The following SLCO1A2 variants were observed in gnomAD, a reference collection of about 807,000 sequenced individuals.
The protein encoded by SLCO1A2 is solute carrier organic anion transporter family member 1A2.
A neutral mutation model predicts 69.0 loss-of-function variants in SLCO1A2; 67 were observed. The observed-to-expected ratio is 0.97, with a 90% CI of 0.80 to 1.19. The LOEUF is 1.19. Among genes scored for constraint, SLCO1A2 ranks in the 50% most tolerant of loss-of-function variants. The pLI, the probability that SLCO1A2 is intolerant of heterozygous loss-of-function variation, is 0.00. For synonymous variants in SLCO1A2, 260 were observed against 265.9 expected (o/e 0.98, Z 0.22); for missense variants, 787 against 793.7 (o/e 0.99, Z 0.10).
intron 14 of SLCO1A2, chr12:21,273,826 T>TAAAC (rs1256661513): frequency 1.3e-5 from 2 of 152,210 alleles, no homozygotes; most frequent in Non-Finnish European, 2.9e-5. Flanking sequence ...TAGAATGCTT[T>TAAAC]AAACAATGGT....
chr12:21,345,969 AAT>A (rs1953239963), intron 2 of SLCO1A2, among the ~76,000 whole-genome samples: 1 of 152,022 alleles, frequency 6.6e-6, no homozygotes, highest in Admixed American at 6.6e-5. Flanking sequence ...GTCGAGTATA[AAT>A]ATGTTAATAA....
chr12:21,328,794 G>A (rs991347083), intron 2 of SLCO1A2, among the ~76,000 whole-genome samples: 1 of 152,168 alleles, frequency 6.6e-6, no homozygotes, highest in African/African-American at 2.4e-5. Flanking sequence ...AATTACTTCA[G>A]AGGCCAGTGC....
At chr12:21,337,863 T>G (rs1591860356), upstream of SLCO1A2, among the ~76,000 whole-genome samples, 1 of 152,044 alleles carries the variant, frequency 6.6e-6, no homozygotes, top group Non-Finnish European at 1.5e-5. Flanking sequence ...AAGAATGTAT[T>G]GCTTGGAAAA....
intron 2 of SLCO1A2, among the ~76,000 whole-genome samples, chr12:21,364,052 C>T: frequency 6.6e-6 from 1 of 152,138 alleles, no homozygotes; most frequent in Non-Finnish European, 1.5e-5. Flanking sequence ...TTTTATGAGG[C>T]CAGCATCATC....
chr12:21,387,323 A>T (rs1940929169), intron 1 of SLCO1A2, among the ~76,000 whole-genome samples: 1 of 152,204 alleles, frequency 6.6e-6, no homozygotes, highest in Admixed American at 6.5e-5. Context: ...TCTCCAGGAC[A>T]TGTCAGAGAC....
intron 1 of SLCO1A2, among the ~76,000 whole-genome samples, chr12:21,382,863 T>C (rs1940676539): frequency 1.3e-5 from 2 of 151,242 alleles, no homozygotes; most frequent in Admixed American, 1.3e-4. Flanking sequence ...TTATCTAAGA[T>C]CACATAGTCA....
chr12:21,374,263 GTTA>G (rs934647074), intron 2 of SLCO1A2: 2 of 152,376 alleles, frequency 1.3e-5, no homozygotes, highest in Non-Finnish European at 2.9e-5. Flanking sequence ...TATTTAAAGG[GTTA>G]TTAAGTTCAA....
At chr12:21,406,282 C>T (rs1941823363) in intron 1 of SLCO1A2, among the ~76,000 whole-genome samples, 1 of 152,204 alleles carries the variant, frequency 6.6e-6, no homozygotes, top group Non-Finnish European at 1.5e-5. Flanking sequence ...TCAGATGTTA[C>T]TTGTACTGCT....
At chr12:21,357,211 A>T (rs781146600) in intron 2 of SLCO1A2, among the ~76,000 whole-genome samples, 1 of 152,196 alleles carries the variant, frequency 6.6e-6, no homozygotes, top group African/African-American at 2.4e-5. Context: ...AGTAATTGTT[A>T]AGATGAAGTC....
At chr12:21,378,160 A>G in intron 1 of SLCO1A2, 1 of 1,305,826 alleles carries the variant, frequency 7.7e-7, no homozygotes, top group Non-Finnish European at 1.1e-6. Context: ...CATCAATACA[A>G]GATATTTGAT....
intron 12 of SLCO1A2, among the ~76,000 whole-genome samples, chr12:21,282,320 A>G (rs1304977552): frequency 6.6e-6 from 1 of 152,100 alleles, no homozygotes; most frequent in Admixed American, 6.6e-5. Flanking sequence ...CCAAAAGAAC[A>G]AACGAATAAA....
At chr12:21,367,738 A>G (rs1255010408) in intron 2 of SLCO1A2, among the ~76,000 whole-genome samples, 3 of 152,112 alleles carry the variant, frequency 2.0e-5, no homozygotes, top group East Asian at 1.9e-4. Flanking sequence ...CTATCAAAGT[A>G]CCGAGACTAC....
At chr12:21,315,985 G>A (rs1019976535) in intron 3 of SLCO1A2, among the ~76,000 whole-genome samples, 6 of 152,226 alleles carry the variant, frequency 3.9e-5, no homozygotes, top group South Asian at 2.1e-4. Context: ...GGAAATATAA[G>A]CTAAGTGATA....
intron 1 of SLCO1A2, among the ~76,000 whole-genome samples, chr12:21,405,616 C>T (rs925419344): frequency 5.3e-5 from 8 of 152,104 alleles, no homozygotes; most frequent in African/African-American, 1.2e-4. Context: ...ATCTCAGAAA[C>T]AAGACCGCAC....
chr12:21,345,131 G>A (rs1488979925), intron 2 of SLCO1A2, among the ~76,000 whole-genome samples: 1 of 151,756 alleles, frequency 6.6e-6, no homozygotes, highest in Non-Finnish European at 1.5e-5. Flanking sequence ...TTTTGATTTT[G>A]ATCTCTTTTT....
intron 1 of SLCO1A2, among the ~76,000 whole-genome samples, chr12:21,394,525 G>A (rs1418911265): frequency 6.7e-6 from 1 of 149,256 alleles, no homozygotes; most frequent in Non-Finnish European, 1.5e-5. Flanking sequence ...CTGGGTGACA[G>A]AGAGAGACAC....
In SLCO1A2 at chr12:21,334,692, A is replaced by C. The variant is rs748906203; in HGVS notation, c.-45T>G. ...CAAGCTATTTATGTTTTAAATCTTG[A>C]TATGTCTTACTTCTACCCTTTCAAG... On this transcript the variant is annotated 5_prime_UTR_variant, in exon 2 of 15. Transcript: ENST00000683939. 6.6e-7 allele frequency: 1 copy of C among 1,520,340 alleles called. No homozygotes were observed. Among genetic ancestry groups the C allele is most frequent in the East Asian group, 2.3e-5 (1 of 43,860 alleles). 94.2% of individuals were successfully genotyped at this position (1,520,340 alleles called of 1,614,324 possible). A position where few individuals can be genotyped will look rare whatever the true frequency, so the allele number is the denominator to read the frequency against.
chr12:21,286,159 AG>A (rs1450675052), intron 12 of SLCO1A2, among the ~76,000 whole-genome samples: 2 of 145,168 alleles, frequency 1.4e-5, no homozygotes, highest in Non-Finnish European at 3.0e-5. Context: ...ACTTCAGCAA[AG>A]TCTCAGGATA....
In SLCO1A2 at chr12:21,407,399, T is replaced by A. The variant is rs543366229; in HGVS notation, c.-312+10483A>T. Among the ~76,000 whole-genome samples the A allele has an allele frequency of 2.6e-5, 4 of 152,312 alleles. 1 individual carries two copies. In the South Asian group the frequency reaches 8.3e-4, roughly 32 times the overall value. On this transcript the variant is annotated intron_variant, in intron 1 of 4. Coordinates refer to the SLCO1A2 transcript ENST00000413682. ...GGAGCGTTGAGCAGAGGCCAGGTCA[T>A]GTACTGCACTATGCCCAGCAAGGAG... is the stretch of plus-strand genomic sequence containing the variant.
Sources: gnomAD v4.1 joint callset for allele counts (sites outside exome capture counted in the v4.1 genomes callset) on GRCh38, gnomAD v4.1.1 for gene constraint, MANE v1.5 for transcripts, NCBI Gene and HGNC (gene_info 2026-07-23, HGNC 2026-07-21) for gene names.